BLK: variants seen among roughly 807,000 people sequenced by gnomAD.
The protein encoded by BLK is tyrosine-protein kinase Blk.
A neutral mutation model predicts 61.8 loss-of-function variants in BLK; 64 were observed. The ratio of observed to expected loss-of-function variants is 1.03; its 90% CI spans 0.85 to 1.27. The LOEUF is 1.27. Ranked by LOEUF, BLK falls within the 50% of genes most tolerant of loss-of-function variation. BLK has a pLI of 0.00. For missense variants in BLK, 853 were observed against 660.5 expected (o/e 1.29, Z -3.19); for synonymous variants, 351 against 272.0 (o/e 1.29, Z -2.86).
chr8:11,553,050 A>T (rs1800990951), intron 6 of BLK: 1 of 172,270 alleles, frequency 5.8e-6, no homozygotes, highest in Non-Finnish European at 1.2e-5. Flanking sequence ...ACATGTGCAC[A>T]TATGCACAGA....
chr8:11,506,629 A>G (rs2618463), intron 1 of BLK, among the ~76,000 whole-genome samples: 8,687 of 152,198 alleles, frequency 0.057, 627 homozygotes, highest in African/African-American at 0.17. Flanking sequence ...GGGTCTTCAT[A>G]CCTTTCTCCA....
intron 5 of BLK, 40 bp from the exon 6 acceptor site, chr8:11,550,119 A>G: frequency 6.4e-7 from 1 of 1,555,976 alleles, no homozygotes. Context: ...TCCGAGGAGC[A>G]GGGTCGCTCT....
intron 6 of BLK, among the ~76,000 whole-genome samples, chr8:11,551,326 C>T (rs1237632185): frequency 6.6e-6 from 1 of 152,196 alleles, no homozygotes; most frequent in Non-Finnish European, 1.5e-5. Context: ...CCCGGGAGCT[C>T]TCTCCTTGGC....
At chr8:11,506,218 T>C (rs578046976) in intron 1 of BLK, among the ~76,000 whole-genome samples, 2 of 152,348 alleles carry the variant, frequency 1.3e-5, no homozygotes, top group Admixed American at 6.5e-5. Context: ...AAGGTGACCT[T>C]GAATGTGCTT....
At chr8:11,538,061 C>T (rs1206202171) in intron 1 of BLK, among the ~76,000 whole-genome samples, 3 of 152,132 alleles carry the variant, frequency 2.0e-5, no homozygotes, top group African/African-American at 7.2e-5. Flanking sequence ...TGCATATACA[C>T]GTGCACACAT....
chr8:11,525,541 A>G (rs1335229735), intron 1 of BLK, among the ~76,000 whole-genome samples: 1 of 152,166 alleles, frequency 6.6e-6, no homozygotes, highest in Non-Finnish European at 1.5e-5. Context: ...GCCAGTTCAG[A>G]TCTCTTTTAT....
At chr8:11,514,821 A>G (rs1396653427) in intron 1 of BLK, among the ~76,000 whole-genome samples, 2 of 152,168 alleles carry the variant, frequency 1.3e-5, no homozygotes, top group African/African-American at 4.8e-5. Flanking sequence ...GCCCTGTTTC[A>G]TACTTTCTGT....
Position 11,549,029 on chromosome 8 carries a change from G to T in BLK, c.275G>T (p.Gly92Val). The T allele has an allele frequency of 6.2e-7, 1 of 1,608,354 alleles. No homozygotes were observed. The highest frequency in any genetic ancestry group is 8.5e-7 in the Non-Finnish European group (1 of 1,177,524). Residue 92 changes from glycine to valine, a missense_variant, in exon 5 of 13, where the codon GGA becomes GTA. Transcript: ENST00000259089. ...GTTTCCCCTGCTCCCATTAGAACTG[G>T]AGACTGGTGGCTGGCCAGGTCACTC... ...GEKLQVLKGT[G>V]DWWLARSLVT... is the part of the protein sequence containing the mutation.
At chr8:11,548,942 G>A (rs1478085104) in intron 4 of BLK, 82 bp from the exon 5 acceptor site, 6 of 1,243,190 alleles carry the variant, frequency 4.8e-6, no homozygotes, top group Non-Finnish European at 5.8e-6. Flanking sequence ...AGGGAGAGAT[G>A]ACTTTGAGGA....
intron 1 of BLK, among the ~76,000 whole-genome samples, chr8:11,505,371 CA>C (rs886846661): frequency 2.6e-5 from 4 of 152,140 alleles, no homozygotes; most frequent in African/African-American, 9.7e-5. Flanking sequence ...AGGGAGACAG[CA>C]CCCGCTCCCT....
chr8:11,556,785 C>G lies in BLK; in HGVS notation c.900C>G (p.Tyr300Ter). 6.2e-7 allele frequency: 1 copy of G among 1,614,190 alleles called. No homozygotes were observed. The highest frequency in any genetic ancestry group is 8.5e-7 in the Non-Finnish European group (1 of 1,180,032). ...AGCACGAGCGGCTGGTCCGACTCTA[C>G]GCAGTGGTCACCAAGGAGCCCATCT... Reference protein sequence around the residue: ...ALQHERLVRLYAVVTKEPIYI... With the variant: ...ALQHERLVRL Residue 300 changes from tyrosine to a stop codon, truncating the protein, a stop_gained, in exon 9 of 13, where the codon TAC (tyrosine) becomes TAG (stop). Transcript: ENST00000259089. LOFTEE classifies it high-confidence loss of function.
chr8:11,557,087 G>A (rs532259459), intron 9 of BLK, among the ~76,000 whole-genome samples: 1 of 152,292 alleles, frequency 6.6e-6, no homozygotes, highest in South Asian at 2.1e-4. Flanking sequence ...CATTTCTGGA[G>A]TGCATCTTCT....
At chr8:11,503,976 C>A (rs114844029) in intron 1 of BLK, among the ~76,000 whole-genome samples, 1 of 152,196 alleles carries the variant, frequency 6.6e-6, no homozygotes, top group African/African-American at 2.4e-5. Context: ...GGGATCTACC[C>A]TGGGGCTAAA....
chr8:11,533,022 A>G (rs962578398), intron 1 of BLK, among the ~76,000 whole-genome samples: 4 of 152,250 alleles, frequency 2.6e-5, no homozygotes, highest in African/African-American at 4.8e-5. Context: ...TACATATAAT[A>G]CATGAAAAGC....
intron 1 of BLK, among the ~76,000 whole-genome samples, chr8:11,506,306 G>T (rs1232111787): frequency 6.6e-6 from 1 of 152,210 alleles, no homozygotes; most frequent in Admixed American, 6.5e-5. Context: ...GTCACAGCCT[G>T]AAGACACTCA....
chr8:11,556,553 C>G, intron 8 of BLK, 105 bp from the exon 9 acceptor site: 1 of 1,395,694 alleles, frequency 7.2e-7, no homozygotes, highest in Non-Finnish European at 1.0e-6. Context: ...GCTCTGGCAC[C>G]TGGAATGGGG....
chr8:11,559,002 G>A (rs1319764686), intron 10 of BLK: 1 of 456,144 alleles, frequency 2.2e-6, no homozygotes, highest in Non-Finnish European at 4.4e-6. Context: ...TTTGGAAAAT[G>A]AGTGCTGGTA....
chr8:11,510,707 G>T (rs1459765945), intron 1 of BLK, among the ~76,000 whole-genome samples: 1 of 151,942 alleles, frequency 6.6e-6, no homozygotes, highest in African/African-American at 2.4e-5. Context: ...CCAGTAATGG[G>T]ATAGGGAATA....
chr8:11,546,506 C>T lies in BLK; in HGVS notation c.175+403C>T, dbSNP rs755950844. On this transcript the variant is annotated intron_variant, in intron 3 of 12. Transcript: ENST00000259089. ...ATGTGGAGGGCACCTTCTTGTTTCC[C>T]GCTCCCAGTCACTTCGAGAGTCCCG... Among the ~76,000 whole-genome samples, 14 of 152,116 alleles carry T rather than the reference C, an allele frequency of 9.2e-5. No individual in the cohort carries two copies. In the East Asian group the frequency reaches 9.7e-4, roughly 10 times the overall value.
Sources: gnomAD v4.1 joint callset for allele counts (sites outside exome capture counted in the v4.1 genomes callset) on GRCh38, gnomAD v4.1.1 for gene constraint, MANE v1.5 for transcripts, NCBI Gene and HGNC (gene_info 2026-07-23, HGNC 2026-07-21) for gene names.